Variants in ANO1 observed in about 807,000 individuals in gnomAD.
ANO1 encodes anoctamin-1.
ANO1 carries 59 observed loss-of-function variants against 124.0 expected under a neutral mutation model. The observed-to-expected ratio is 0.48, with a 90% CI of 0.39 to 0.59. ANO1 has a LOEUF of 0.59. Among genes scored for constraint, ANO1 ranks in the 20% least tolerant of loss-of-function variants. ANO1 has a pLI of 0.00. For missense variants in ANO1, 1,059 were observed against 1,328.0 expected (o/e 0.80, Z 3.15); for synonymous variants, 529 against 532.0 (o/e 0.99, Z 0.08).
chr11:70,052,531 CTT>C (rs200770702), intron 1 of ANO1, among the ~76,000 whole-genome samples: 20 of 65,896 alleles, frequency 3.0e-4, no homozygotes, highest in African/African-American at 3.9e-4. Flanking sequence ...TTTTTCTTTT[CTT>C]TTTTTTTTTT....
At chr11:70,006,575 CT>C (rs1856489072) in intron 1 of ANO1, among the ~76,000 whole-genome samples, 1 of 40,952 alleles carries the variant, frequency 2.4e-5, no homozygotes, top group Non-Finnish European at 6.8e-5. Context: ...TTCTTTCTTT[CT>C]TTCTTACTTA....
At chr11:70,146,162 G>C (rs1474036395) in intron 11 of ANO1, among the ~76,000 whole-genome samples, 2 of 152,154 alleles carry the variant, frequency 1.3e-5, no homozygotes, top group African/African-American at 2.4e-5. Context: ...TCGTGGTTCT[G>C]TGAAGACTCT....
upstream of ANO1, among the ~76,000 whole-genome samples, chr11:70,077,802 C>G (rs2044081764): frequency 1.3e-5 from 2 of 152,222 alleles, no homozygotes; most frequent in Admixed American, 1.3e-4. Context: ...CACCTGGGCA[C>G]AGAACACTAA....
chr11:70,128,390 G>A (rs1390397831), intron 10 of ANO1, among the ~76,000 whole-genome samples: 3 of 152,228 alleles, frequency 2.0e-5, no homozygotes, highest in Non-Finnish European at 4.4e-5. Flanking sequence ...GTGAGTGTAA[G>A]GTGAGGATTC....
intron 1 of ANO1, among the ~76,000 whole-genome samples, chr11:70,027,321 G>A (rs1478135005): frequency 1.3e-5 from 2 of 152,194 alleles, no homozygotes. Context: ...CAGCCGGGCA[G>A]AATCATCTCA....
rs758510855 is a variant in ANO1, at chr11:70,187,724, GC to G, written c.2695-12del. On this transcript the variant is annotated splice_polypyrimidine_tract_variant and intron_variant, in intron 25 of 25. Coordinates refer to ENST00000355303, the MANE Select transcript of ANO1 (RefSeq NM_018043.7). ...GCCATCCTCCCTTCTGCCACGCGTT[GC>G]CTCTCCTTCCAGAACCTGGTCATGT... The G allele has an allele frequency of 6.2e-7, 1 of 1,601,080 alleles. No individual in the cohort carries two copies. Among genetic ancestry groups the G allele is most frequent in the Non-Finnish European group, 8.5e-7 (1 of 1,173,562 alleles).
intron 1 of ANO1, among the ~76,000 whole-genome samples, chr11:70,078,964 GC>G (rs2044119504): frequency 6.6e-6 from 1 of 151,958 alleles, no homozygotes; most frequent in Non-Finnish European, 1.5e-5. Context: ...GCAGCGCCGG[GC>G]CCCCAGGCAT....
chr11:70,110,032 A>G (rs1023201585), intron 6 of ANO1, among the ~76,000 whole-genome samples: 1 of 152,084 alleles, frequency 6.6e-6, no homozygotes, highest in African/African-American at 2.4e-5. Flanking sequence ...GGGTGGGGCT[A>G]GCTGCGGGAT....
chr11:69,997,765 G>A (rs1201715500), intron 1 of ANO1, among the ~76,000 whole-genome samples: 4 of 152,090 alleles, frequency 2.6e-5, no homozygotes, highest in Non-Finnish European at 5.9e-5. Flanking sequence ...TCATCGGGTT[G>A]TTTTAAAAGT....
chr11:70,078,743 G>T (rs1462083777), intron 1 of ANO1, 29 bp downstream of exon 1: 1 of 1,407,704 alleles, frequency 7.1e-7, no homozygotes. Flanking sequence ...GACCCGGGCG[G>T]GAGGGCCGCG....
At chr11:70,164,698 G>A (rs959956665) in intron 19 of ANO1, among the ~76,000 whole-genome samples, 7 of 152,040 alleles carry the variant, frequency 4.6e-5, no homozygotes, top group African/African-American at 9.7e-5. Flanking sequence ...CCTGCTTGCC[G>A]GGTCCCAGGC....
chr11:70,154,908 C>T (rs181977591), intron 14 of ANO1, among the ~76,000 whole-genome samples: 115 of 152,370 alleles, frequency 7.5e-4, no homozygotes, highest in Admixed American at 2.4e-3. Context: ...CGGGTGCCAG[C>T]TGCCCTCTGC....
upstream of ANO1, among the ~76,000 whole-genome samples, chr11:70,075,936 T>C (rs2044051170): frequency 6.6e-6 from 1 of 152,176 alleles, no homozygotes; most frequent in Admixed American, 6.5e-5. Flanking sequence ...GGGGCTATTG[T>C]TTTTACTTTG....
chr11:70,004,939 C>A (rs2120352920), intron 1 of ANO1, among the ~76,000 whole-genome samples: 1 of 152,096 alleles, frequency 6.6e-6, no homozygotes, highest in South Asian at 2.1e-4. Context: ...ATTGCAAAAC[C>A]CCGTCTCTAC....
upstream of ANO1, among the ~76,000 whole-genome samples, chr11:69,982,164 A>C (rs1299785453): frequency 6.6e-6 from 1 of 152,142 alleles, no homozygotes; most frequent in Non-Finnish European, 1.5e-5. Context: ...AAAAATGATC[A>C]ATTTTATCTT....
intron 1 of ANO1, among the ~76,000 whole-genome samples, chr11:70,021,447 T>C (rs1405435464): frequency 6.6e-6 from 1 of 150,842 alleles, no homozygotes; most frequent in East Asian, 1.9e-4. Flanking sequence ...GTTTTTAGAA[T>C]AAGGAGAGTG....
At chr11:70,184,193 C>T (rs919205799) in intron 24 of ANO1, among the ~76,000 whole-genome samples, 3 of 152,206 alleles carry the variant, frequency 2.0e-5, no homozygotes, top group Non-Finnish European at 4.4e-5. Context: ...AGGGTGGGGA[C>T]GTCAGCTCCA....
intron 14 of ANO1, 114 bp downstream of exon 14, chr11:70,153,242 T>G: frequency 1.0e-6 from 1 of 974,208 alleles, no homozygotes; most frequent in East Asian, 2.6e-5. Context: ...AACCCCGTGT[T>G]GCGGCTGCTC....
At chr11:70,063,331 G>A (rs535637016) in intron 1 of ANO1, among the ~76,000 whole-genome samples, 1 of 152,186 alleles carries the variant, frequency 6.6e-6, no homozygotes, top group African/African-American at 2.4e-5. Flanking sequence ...TCAGCTCCTC[G>A]GGCCCAGACC....
Sources: allele counts gnomAD v4.1 joint callset (sites outside exome capture counted in the v4.1 genomes callset), GRCh38; gene constraint gnomAD v4.1.1; transcripts MANE v1.5; gene names NCBI Gene and HGNC (gene_info 2026-07-23, HGNC 2026-07-21).